The following TLE4 variants were observed in gnomAD, a reference collection of about 807,000 sequenced individuals.
The protein encoded by TLE4 is transducin-like enhancer protein 4.
In TLE4, 8 loss-of-function variants were observed where a neutral mutation model predicts 92.8. The ratio of observed to expected loss-of-function variants is 0.09; its 90% CI spans 0.05 to 0.16. TLE4 has a LOEUF of 0.16. Ranked by LOEUF, TLE4 falls within the 10% of genes least tolerant of loss-of-function variation. The pLI is 1.00. For synonymous variants in TLE4, 371 were observed against 374.1 expected, an observed-to-expected ratio of 0.99 and a Z score of 0.10; for missense variants, 675 against 997.6, an observed-to-expected ratio of 0.68 and a Z score of 4.36.
chr9:79,600,428 G>A (rs1016108412), intron 4 of TLE4, among the ~76,000 whole-genome samples: 1 of 151,990 alleles, frequency 6.6e-6, no homozygotes, highest in Non-Finnish European at 1.5e-5. Flanking sequence ...ACTTGAGTGA[G>A]GAATCAGTGA....
At chr9:79,664,707 C>T (rs976585641) in intron 8 of TLE4, among the ~76,000 whole-genome samples, 2 of 152,288 alleles carry the variant, frequency 1.3e-5, no homozygotes, top group African/African-American at 4.8e-5. Flanking sequence ...TCCTGCCTCC[C>T]GCTGCCACTT....
chr9:79,607,314 C>T lies in TLE4; in HGVS notation c.253-5342C>T, dbSNP rs548485384. On this transcript the variant is annotated intron_variant, in intron 4 of 19. Transcript: ENST00000376552. ...TAGATTGCAAAAATTTTCTCCCATT[C>T]TGTAGGTTGCCTGTTCACTCTGATG... Among the ~76,000 whole-genome samples, 9 of 152,178 alleles carry T rather than the reference C, an allele frequency of 5.9e-5. No individual in the cohort carries two copies. In the South Asian group the frequency reaches 1.7e-3, roughly 28 times the overall value.
intron 8 of TLE4, among the ~76,000 whole-genome samples, chr9:79,699,284 G>A (rs1485378731): frequency 6.6e-6 from 1 of 152,062 alleles, no homozygotes; most frequent in Non-Finnish European, 1.5e-5. Flanking sequence ...ATCTACAGGG[G>A]CCTTCTTCAG....
At chr9:79,589,346 G>A (rs2041979228) in intron 4 of TLE4, among the ~76,000 whole-genome samples, 1 of 151,894 alleles carries the variant, frequency 6.6e-6, no homozygotes, top group Non-Finnish European at 1.5e-5. Context: ...ATGATGATAA[G>A]CAGAGTGGGG....
chr9:79,620,915 C>T (rs897453268), intron 5 of TLE4, among the ~76,000 whole-genome samples: 1 of 152,016 alleles, frequency 6.6e-6, no homozygotes, highest in African/African-American at 2.4e-5. Flanking sequence ...AGGTGTCATA[C>T]ACTTTTTAAG....
chr9:79,657,169 T>C (rs2059899141), intron 8 of TLE4, among the ~76,000 whole-genome samples: 1 of 152,158 alleles, frequency 6.6e-6, no homozygotes, highest in South Asian at 2.1e-4. Flanking sequence ...ACCTGCAGCC[T>C]TCCTTGCTTG....
intron 8 of TLE4, among the ~76,000 whole-genome samples, chr9:79,669,915 A>G (rs1211145810): frequency 6.6e-6 from 1 of 152,146 alleles, no homozygotes; most frequent in Admixed American, 6.6e-5. Flanking sequence ...AAAAAGTTAC[A>G]TGAATGCTCC....
intron 6 of TLE4, among the ~76,000 whole-genome samples, chr9:79,629,478 T>C (rs1243639096): frequency 6.6e-6 from 1 of 152,214 alleles, no homozygotes; most frequent in Non-Finnish European, 1.5e-5. Context: ...TGACATATTG[T>C]GTTTATATGT....
chr9:79,574,074 A>G (rs2036878028), intron 2 of TLE4: 1 of 232,026 alleles, frequency 4.3e-6, no homozygotes. Context: ...GGGCCGGGAG[A>G]ATGAAAGGTT....
chr9:79,700,157 C>T (rs565905536), intron 8 of TLE4, among the ~76,000 whole-genome samples: 4 of 150,322 alleles, frequency 2.7e-5, no homozygotes, highest in South Asian at 4.1e-4. Context: ...CAAAGCAGCC[C>T]GTGGGGCTGA....
At chr9:79,698,497 A>C (rs975807586) in intron 8 of TLE4, among the ~76,000 whole-genome samples, 3 of 152,194 alleles carry the variant, frequency 2.0e-5, no homozygotes, top group Non-Finnish European at 4.4e-5. Flanking sequence ...TTCTTTTAAC[A>C]AGGGCAGGGC....
chr9:79,724,185 T>C (rs886298492), intron 19 of TLE4, among the ~76,000 whole-genome samples: 16 of 151,828 alleles, frequency 1.1e-4, no homozygotes, highest in African/African-American at 3.6e-4. Context: ...TTTTTTTTAA[T>C]GTATTCTCAG....
rs190037063 is a variant in TLE4 at position 79,662,141 on chromosome 9, T to G, written c.609+8066T>G. On this transcript the variant is annotated intron_variant, in intron 8 of 19. Transcript: ENST00000376552. Reference sequence around the variant, plus strand: ...CAGTGAGGTGGAAGTTAAAATGTCTTAAGTATTCTTGTTGTAAGTGAACTT... The same window carrying G: ...CAGTGAGGTGGAAGTTAAAATGTCTGAAGTATTCTTGTTGTAAGTGAACTT... Among the ~76,000 whole-genome samples, 251 of 152,328 alleles carry G rather than the reference T, an allele frequency of 1.6e-3. 1 individual carries two copies. Among genetic ancestry groups the G allele is most frequent in the African/African-American group, 5.8e-3 (242 of 41,582 alleles).
rs76011578 is a variant in TLE4, at chr9:79,588,715, C to T, written c.252+12538C>T. On this transcript the variant is annotated intron_variant, in intron 4 of 19. Transcript: ENST00000376552. ...GGCATGGCACCTTCTTTTATAACCA[C>T]GTGTCACATGGGAATGTTCAGGGAA... 2.7e-3 allele frequency among the ~76,000 whole-genome samples: 404 copies of T among 152,296 alleles called. 2 individuals carry two copies. Among genetic ancestry groups the T allele is most frequent in the African/African-American group, 9.3e-3 (385 of 41,566 alleles).
At chr9:79,665,335 G>C (rs1330311352) in intron 8 of TLE4, among the ~76,000 whole-genome samples, 1 of 152,180 alleles carries the variant, frequency 6.6e-6, no homozygotes, top group Non-Finnish European at 1.5e-5. Flanking sequence ...TGCATTGGGG[G>C]TGCACAGTAA....
chr9:79,717,980 C>T (rs1469758717), intron 14 of TLE4: 2 of 456,508 alleles, frequency 4.4e-6, no homozygotes. Flanking sequence ...GACGCTCTTA[C>T]TTAAGTTGCA....
intron 6 of TLE4, among the ~76,000 whole-genome samples, chr9:79,629,652 A>G (rs2053657522): frequency 1.3e-5 from 2 of 152,226 alleles, no homozygotes; most frequent in African/African-American, 4.8e-5. Context: ...AACTCTTGGT[A>G]TCTGAGCAGA....
intron 4 of TLE4, among the ~76,000 whole-genome samples, chr9:79,590,445 G>GT (rs2042269487): frequency 6.6e-6 from 1 of 152,110 alleles, no homozygotes; most frequent in Non-Finnish European, 1.5e-5. Context: ...GAGGCTGCTT[G>GT]TAAGTTTTCT....
chr9:79,601,495 CTG>C (rs1202506244), intron 4 of TLE4: 1 of 454,242 alleles, frequency 2.2e-6, no homozygotes, highest in African/African-American at 2.0e-5. Flanking sequence ...CTTCGTGTCT[CTG>C]TGTCACATTT....
Sources: gnomAD v4.1 joint callset for allele counts (sites outside exome capture counted in the v4.1 genomes callset) on GRCh38, gnomAD v4.1.1 for gene constraint, MANE v1.5 for transcripts, NCBI Gene and HGNC (gene_info 2026-07-23, HGNC 2026-07-21) for gene names.